Variants in SPOCK1 observed in about 807,000 individuals in gnomAD.
The protein encoded by SPOCK1 is testican-1.
SPOCK1 carries 23 observed loss-of-function variants against 55.3 expected under a neutral mutation model. The observed-to-expected ratio is 0.42, with a 90% CI of 0.30 to 0.59. SPOCK1 has a LOEUF of 0.59. SPOCK1 is among the 20% of genes least tolerant of loss of function. SPOCK1 has a pLI of 0.22. For missense variants in SPOCK1, 499 were observed against 552.5 expected, an observed-to-expected ratio of 0.90 and a Z score of 0.97; for synonymous variants, 226 against 221.0, an observed-to-expected ratio of 1.02 and a Z score of -0.20.
intron 5 of SPOCK1, among the ~76,000 whole-genome samples, chr5:137,087,607 G>A (rs1305683196): frequency 6.6e-6 from 1 of 152,230 alleles, no homozygotes; most frequent in African/African-American, 2.4e-5. Context: ...CTGGAGACTT[G>A]GCCTCTCTGT....
intron 6 of SPOCK1, among the ~76,000 whole-genome samples, chr5:137,064,390 C>T (rs564290942): frequency 2.0e-5 from 3 of 152,072 alleles, no homozygotes; most frequent in East Asian, 1.9e-4. Context: ...CGTGTGTGTG[C>T]GTGTGTGTAT....
intron 6 of SPOCK1, among the ~76,000 whole-genome samples, chr5:137,008,555 G>A (rs1751294722): frequency 6.6e-6 from 1 of 152,166 alleles, no homozygotes; most frequent in South Asian, 2.1e-4. Flanking sequence ...AGGAACTACT[G>A]TTCTCATGAG....
intron 2 of SPOCK1, among the ~76,000 whole-genome samples, chr5:137,371,243 C>T (rs1160368160): frequency 6.6e-6 from 1 of 152,214 alleles, no homozygotes; most frequent in Non-Finnish European, 1.5e-5. Flanking sequence ...TCCCTCACGT[C>T]CTGGCTGCAA....
At chr5:137,046,518 TC>T (rs1752108703) in intron 6 of SPOCK1, among the ~76,000 whole-genome samples, 1 of 149,950 alleles carries the variant, frequency 6.7e-6, no homozygotes, top group Non-Finnish European at 1.5e-5. Flanking sequence ...AAGTTGCTTA[TC>T]AGCTTAAGGA....
intron 2 of SPOCK1, among the ~76,000 whole-genome samples, chr5:137,309,713 A>G (rs1348926951): frequency 6.6e-6 from 1 of 152,112 alleles, no homozygotes; most frequent in Non-Finnish European, 1.5e-5. Flanking sequence ...ATGTGTGCAG[A>G]TTACTTATCT....
chr5:137,263,757 A>G (rs1176690707), intron 3 of SPOCK1, among the ~76,000 whole-genome samples: 1 of 152,162 alleles, frequency 6.6e-6, no homozygotes, highest in Non-Finnish European at 1.5e-5. Context: ...TACTTATGCC[A>G]CTTTACCCTA....
intron 3 of SPOCK1, among the ~76,000 whole-genome samples, chr5:137,245,597 GC>G (rs960111097): frequency 7.9e-5 from 12 of 152,242 alleles, no homozygotes; most frequent in African/African-American, 2.9e-4. Flanking sequence ...AGATGAAAGT[GC>G]CCAGGCATGG....
rs1755453185 is a variant in SPOCK1 at position 137,202,950 on chromosome 5, TCAA to T, written c.233-62259_233-62257del. ...TATTCACGTCCTTGTTGCATTCTAA[TCAA>T]CAAATCAAAGCACTCGACTAATTAA... On this transcript the variant is annotated intron_variant, in intron 3 of 10. Coordinates refer to ENST00000394945, the MANE Select transcript of SPOCK1 (RefSeq NM_004598.4). 3.9e-5 allele frequency among the ~76,000 whole-genome samples: 6 copies of T among 152,360 alleles called. No individual in the cohort carries two copies. The East Asian group carries it at 1.2e-3, about 29-fold the overall frequency.
intron 2 of SPOCK1, among the ~76,000 whole-genome samples, chr5:137,385,126 C>T (rs948687827): frequency 4.6e-5 from 7 of 152,218 alleles, no homozygotes; most frequent in Non-Finnish European, 7.3e-5. Context: ...TCACCTCCCT[C>T]TCCAGGAAGC....
chr5:137,304,120 G>A (rs902569691), intron 2 of SPOCK1, among the ~76,000 whole-genome samples: 6 of 148,308 alleles, frequency 4.0e-5, no homozygotes, highest in African/African-American at 7.4e-5. Context: ...CATTACAGAA[G>A]AATCAAATTC....
intron 6 of SPOCK1, among the ~76,000 whole-genome samples, chr5:137,056,364 G>A (rs1224699544): frequency 6.6e-6 from 1 of 152,096 alleles, no homozygotes; most frequent in Non-Finnish European, 1.5e-5. Flanking sequence ...GTCATAGACT[G>A]AGATCTGGAT....
chr5:137,061,041 T>G (rs1369019660), intron 6 of SPOCK1, among the ~76,000 whole-genome samples: 2 of 152,234 alleles, frequency 1.3e-5, no homozygotes, highest in Non-Finnish European at 2.9e-5. Flanking sequence ...TGTGCTTAAT[T>G]TCTGACCCAA....
At chr5:137,199,459 A>C (rs1755369309) in intron 3 of SPOCK1, among the ~76,000 whole-genome samples, 1 of 152,082 alleles carries the variant, frequency 6.6e-6, no homozygotes, top group Non-Finnish European at 1.5e-5. Context: ...TTGAGCACAA[A>C]GTTGACGAGG....
chr5:137,135,118 G>A (rs1753956316), intron 4 of SPOCK1, among the ~76,000 whole-genome samples: 1 of 152,178 alleles, frequency 6.6e-6, no homozygotes, highest in Non-Finnish European at 1.5e-5. Context: ...GCTTCGAAGG[G>A]TACACTTAGA....
At chr5:137,040,552 C>T (rs145714453) in intron 6 of SPOCK1, among the ~76,000 whole-genome samples, 71 of 152,356 alleles carry the variant, frequency 4.7e-4, no homozygotes, top group African/African-American at 1.4e-3. Context: ...TGCCATATGA[C>T]AGACCATAGA....
intron 5 of SPOCK1, among the ~76,000 whole-genome samples, chr5:137,090,431 T>G (rs1427927548): frequency 6.6e-6 from 1 of 152,180 alleles, no homozygotes; most frequent in Non-Finnish European, 1.5e-5. Flanking sequence ...CACAGGCATC[T>G]GGCACACAAG....
At chr5:137,115,869 T>C (rs1334324412) in intron 4 of SPOCK1, among the ~76,000 whole-genome samples, 4 of 152,144 alleles carry the variant, frequency 2.6e-5, no homozygotes, top group Non-Finnish European at 5.9e-5. Context: ...GTGCAAATCA[T>C]AAAAAAATAA....
chr5:137,142,894 A>G (rs191794015), intron 3 of SPOCK1, among the ~76,000 whole-genome samples: 120 of 152,256 alleles, frequency 7.9e-4, no homozygotes, highest in Admixed American at 3.5e-3. Flanking sequence ...GCCAACTTTG[A>G]CTCACTCTCC....
chr5:137,165,512 T>C (rs554606884), intron 3 of SPOCK1, among the ~76,000 whole-genome samples: 2 of 152,292 alleles, frequency 1.3e-5, no homozygotes, highest in Admixed American at 1.3e-4. Context: ...CAGACACAGA[T>C]GGACATCTAC....
Sources: allele counts gnomAD v4.1 joint callset (sites outside exome capture counted in the v4.1 genomes callset), GRCh38; gene constraint gnomAD v4.1.1; transcripts MANE v1.5; gene names NCBI Gene and HGNC (gene_info 2026-07-23, HGNC 2026-07-21).